LCT: variants seen among roughly 807,000 people sequenced by gnomAD.
The protein encoded by LCT is lactase, also known as lactase/phlorizin hydrolase.
LCT carries 90 observed loss-of-function variants against 173.0 expected under a neutral mutation model. The observed-to-expected ratio is 0.52, with a 90% CI of 0.44 to 0.62. The LOEUF (loss-of-function observed/expected upper bound fraction) is 0.62, where lower values mean the gene tolerates loss of function less well. Ranked by LOEUF, LCT falls within the 20% of genes least tolerant of loss-of-function variation. The pLI is 0.00. For missense variants in LCT, 1,864 were observed against 2,431.4 expected, an observed-to-expected ratio of 0.77 and a Z score of 4.91; for synonymous variants, 853 against 957.6, an observed-to-expected ratio of 0.89 and a Z score of 2.02.
chr2:135,807,409 C>G lies in LCT; in HGVS notation c.3905-13G>C, dbSNP rs1262275555. The G allele has an allele frequency of 6.2e-7, 1 of 1,613,924 alleles. No homozygotes were observed. On this transcript the variant is annotated splice_polypyrimidine_tract_variant and intron_variant, in intron 8 of 16. Transcript: ENST00000264162. ...TCGAGCCTGTAGGCTGGGAACATCC[C>G]AAAGGGAGCAGAGGAGAGCTTGACA...
intron 1 of LCT, among the ~76,000 whole-genome samples, chr2:135,836,044 T>C (rs1323616258): frequency 1.2e-4 from 17 of 144,554 alleles, no homozygotes; most frequent in Admixed American, 2.1e-4. Flanking sequence ...TTTGAGATTG[T>C]GTCTTGCTCT....
At position 135,788,332 on chromosome 2, in the gene LCT, A is replaced by G. The variant is rs777605587; in HGVS notation, c.5776T>C (p.Ser1926Pro). 6.2e-7 allele frequency: 1 copy of G among 1,612,592 alleles called. No homozygotes were observed. The highest frequency in any genetic ancestry group is 8.5e-7 in the Non-Finnish European group (1 of 1,178,956). The change falls in exon 17 of 17, where the codon TCA becomes CCA. Residue 1926 changes from serine (S) to proline (P), a missense_variant. By Grantham distance (74) the Ser-to-Pro change is moderately conservative (BLOSUM62 -1). This residue lies in a region of LCT where 514 missense variants were observed against 750.1 expected (regional missense o/e 0.69). Coordinates refer to ENST00000264162, the MANE Select transcript of LCT (RefSeq NM_002299.4). ...CTTGAGGTGGTAACTCATCAGAATG[A>G]AGACACCGGGCTCAATTCCTGTTGG... ...RSQQELSPVS[S>P]F
intron 8 of LCT, among the ~76,000 whole-genome samples, chr2:135,807,778 C>T (rs534295657): frequency 6.6e-6 from 1 of 151,088 alleles, no homozygotes; most frequent in Admixed American, 6.7e-5. Context: ...CATTGCACTC[C>T]AGCCTGGGCA....
chr2:135,824,028 T>C (rs1276675487), intron 3 of LCT, 25 bp from the exon 4 acceptor site: 1 of 1,455,096 alleles, frequency 6.9e-7, no homozygotes, highest in South Asian at 1.1e-5. Flanking sequence ...GACCAGCAAG[T>C]GAACTGAAGC....
intron 1 of LCT, among the ~76,000 whole-genome samples, chr2:135,835,586 G>C (rs943615901): frequency 3.0e-5 from 4 of 134,080 alleles, no homozygotes; most frequent in African/African-American, 1.1e-4. Context: ...AAACAAGAAA[G>C]CATATATAAT....
At chr2:135,814,480 A>G (rs2077763114) in intron 6 of LCT, among the ~76,000 whole-genome samples, 1 of 152,134 alleles carries the variant, frequency 6.6e-6, no homozygotes, top group Non-Finnish European at 1.5e-5. Flanking sequence ...AAATGCAAAG[A>G]AGCCAAGACT....
Position 135,837,128 on chromosome 2 carries a change from A to T in LCT, c.42T>A (p.Ser14Arg). 1 of 1,613,926 alleles carries T rather than the reference A, an allele frequency of 6.2e-7. No individual in the cohort carries two copies. The highest frequency in any genetic ancestry group is 8.5e-7 in the Non-Finnish European group (1 of 1,179,972). The change falls in exon 1 of 17, where the codon AGT (serine) becomes AGA (arginine). Residue 14 changes from serine to arginine, a missense_variant. Ser to Arg is a moderately radical substitution (Grantham distance 110). Coordinates refer to ENST00000264162, the MANE Select transcript of LCT (RefSeq NM_002299.4). Reference protein sequence around the residue: ...SWHVVFIALLSFSCWGSDWES... With the variant: ...SWHVVFIALLRFSCWGSDWES... ...CCCAGTCTGACCCCCAGCATGAAAAACTTAGCAGGGCAATAAAGACTACAT... is the reference window on the plus strand; with the variant it reads ...CCCAGTCTGACCCCCAGCATGAAAATCTTAGCAGGGCAATAAAGACTACAT...
intron 16 of LCT, 57 bp downstream of exon 16, chr2:135,789,514 G>T: frequency 8.3e-7 from 1 of 1,204,520 alleles, no homozygotes; most frequent in Non-Finnish European, 1.2e-6. Flanking sequence ...ACTGAGAGAG[G>T]CCCTTCCACC....
At position 135,822,000 on chromosome 2, in the gene LCT, A is replaced by C. The variant is rs1458086936; in HGVS notation, c.986+20T>G. 7.1e-7 allele frequency: 1 copy of C among 1,418,096 alleles called. No individual in the cohort carries two copies. The highest frequency in any genetic ancestry group is 1.7e-5 in the Admixed American group (1 of 59,804). The allele number at this position is 1,418,096 out of a possible 1,614,324, so 87.8% of individuals were successfully genotyped here. A position where few individuals can be genotyped will look rare whatever the true frequency, so the allele number is the denominator to read the frequency against. ...TACAAATATCAGTTATTGATAGTTC[A>C]ATAGGCAACCTGACATTACCTTTTC... is the stretch of plus-strand genomic sequence containing the variant. On this transcript the variant is annotated intron_variant, in intron 5 of 16. Transcript: ENST00000264162.
chr2:135,809,644 C>T lies in LCT; in HGVS notation c.2703G>A (p.Gly901=). The T allele has an allele frequency of 1.2e-6, 2 of 1,614,236 alleles. No homozygotes were observed. Among genetic ancestry groups the T allele is most frequent in the African/African-American group, 1.3e-5 (1 of 75,058 alleles). Residue 901 remains glycine (G), a synonymous_variant, in exon 8 of 17, where the codon GGG becomes GGA. Transcript: ENST00000264162. The surrounding 1 kb of genome is among the most constrained non-coding windows in gnomAD (Gnocchi z 5.5). Reference sequence around the variant, plus strand: ...CCCACAGAAAGTCATCCCGAAACGTCCCGTGGTAGAACAAATCTCTTTCGA... The same window carrying T: ...CCCACAGAAAGTCATCCCGAAACGTTCCGTGGTAGAACAAATCTCTTTCGA... ...PKFERDLFYH[G]TFRDDFLWGV... is the part of the protein sequence containing the mutation.
At chr2:135,827,126 G>A (rs1160023621) in intron 3 of LCT, among the ~76,000 whole-genome samples, 1 of 152,060 alleles carries the variant, frequency 6.6e-6, no homozygotes, top group Non-Finnish European at 1.5e-5. Context: ...TTACAGGTTC[G>A]TGCCACTATA....
chr2:135,834,057 A>G (rs76339669), intron 1 of LCT, among the ~76,000 whole-genome samples: 1 of 151,846 alleles, frequency 6.6e-6, no homozygotes, highest in African/African-American at 2.4e-5. Context: ...TTCCCTTTTT[A>G]ATAAATGTGG....
chr2:135,796,073 A>G (rs372815856), intron 13 of LCT, among the ~76,000 whole-genome samples: 22 of 152,280 alleles, frequency 1.4e-4, no homozygotes, highest in Admixed American at 9.8e-4. Flanking sequence ...TAACCTGTAG[A>G]TGGAGCATTT....
chr2:135,791,781 G>A (rs369870137), intron 14 of LCT, among the ~76,000 whole-genome samples: 3 of 152,200 alleles, frequency 2.0e-5, no homozygotes, highest in African/African-American at 7.2e-5. Context: ...GGAGTGGAGG[G>A]GCTGGTTTTC....
intron 1 of LCT, among the ~76,000 whole-genome samples, chr2:135,835,522 A>C (rs1174556622): frequency 7.2e-6 from 1 of 138,656 alleles, no homozygotes; most frequent in East Asian, 2.1e-4. Flanking sequence ...ATATATATAT[A>C]TATATATATC....
intron 1 of LCT, among the ~76,000 whole-genome samples, chr2:135,836,087 C>T (rs1006314117): frequency 6.2e-5 from 9 of 145,438 alleles, no homozygotes; most frequent in Non-Finnish European, 8.9e-5. Context: ...GGCATGATTT[C>T]GGCTCACTGC....
chr2:135,836,146 G>A lies in LCT; in HGVS notation c.640+384C>T, dbSNP rs1398391282. Reference sequence around the variant, plus strand: ...CAATTCTCCTGCCTAAGCCTCCCGAGTAGCTGGGATCACAGGCGCCTGCTA... The same window carrying A: ...CAATTCTCCTGCCTAAGCCTCCCGAATAGCTGGGATCACAGGCGCCTGCTA... On this transcript the variant is annotated intron_variant, in intron 1 of 16. Coordinates refer to ENST00000264162, the MANE Select transcript of LCT (RefSeq NM_002299.4). Among the ~76,000 whole-genome samples the A allele has an allele frequency of 4.6e-5, 7 of 151,644 alleles. No individual in the cohort carries two copies. In the East Asian group the frequency reaches 1.4e-3, roughly 29 times the overall value.
intron 6 of LCT, among the ~76,000 whole-genome samples, chr2:135,813,963 G>A (rs1338123913): frequency 2.0e-5 from 3 of 152,182 alleles, no homozygotes; most frequent in African/African-American, 7.2e-5. Flanking sequence ...TTTAAATCTT[G>A]ACTCTGTTAC....
intron 9 of LCT, among the ~76,000 whole-genome samples, chr2:135,806,362 A>C (rs539124020): frequency 6.6e-6 from 1 of 152,376 alleles, no homozygotes; most frequent in Admixed American, 6.5e-5. Context: ...AAAATGTTAC[A>C]GTAAGCTAAG....
Sources: allele counts gnomAD v4.1 joint callset (sites outside exome capture counted in the v4.1 genomes callset), GRCh38; gene constraint gnomAD v4.1.1; regional missense constraint gnomAD v4.1.1; non-coding constraint Gnocchi (gnomAD v3.1); transcripts MANE v1.5; gene names NCBI Gene and HGNC (gene_info 2026-07-23, HGNC 2026-07-21).